MEIG1: variants seen among roughly 807,000 people sequenced by gnomAD.
The protein encoded by MEIG1 is meiosis expressed gene 1 protein homolog.
A neutral mutation model predicts 11.3 loss-of-function variants in MEIG1; 12 were observed. The observed-to-expected ratio is 1.07, with a 90% CI of 0.68 to 1.73. MEIG1 has a LOEUF of 1.73. MEIG1 is among the 40% of genes most tolerant of loss of function. MEIG1 has a pLI of 0.00. For synonymous variants in MEIG1, 41 were observed against 33.2 expected (o/e 1.24, Z -0.81); for missense variants, 119 against 104.9 (o/e 1.13, Z -0.59).
chr10:14,973,724 C>A (rs970638147), downstream of MEIG1, among the ~76,000 whole-genome samples: 10 of 146,876 alleles, frequency 6.8e-5, no homozygotes, highest in Admixed American at 4.1e-4. Flanking sequence ...GAGCCAAGAT[C>A]CCGCCACTGC....
At chr10:14,971,608 G>T (rs1443766809) in intron 2 of MEIG1, among the ~76,000 whole-genome samples, 1 of 152,118 alleles carries the variant, frequency 6.6e-6, no homozygotes, top group African/African-American at 2.4e-5. Flanking sequence ...ATACACTTTT[G>T]GATAGTTCTT....
intron 2 of MEIG1, 72 bp from the exon 3 acceptor site, chr10:14,972,441 A>T: frequency 1.3e-6 from 2 of 1,593,238 alleles, no homozygotes; most frequent in Non-Finnish European, 8.6e-7. Flanking sequence ...CTTTTTAACT[A>T]TTTGATAGTA....
Position 14,966,594 on chromosome 10 carries a change from A to T in MEIG1, c.126A>T (p.Lys42Asn). The stretch of plus-strand genomic sequence containing the variant: ...ATGAAACCGAATATAGACAAGTGAA[A>T]CAAGTTTCTATGGTAAGATTTCTGT... ...YRDETEYRQV[K>N]QVSMVDRWPE... Residue 42 changes from lysine to asparagine, a missense_variant, in exon 2 of 3, where the codon AAA (lysine) becomes AAT (asparagine). By Grantham distance (94) the Lys-to-Asn change is moderately conservative (BLOSUM62 0). Coordinates refer to ENST00000407572, the MANE Select transcript of MEIG1 (RefSeq NM_001080836.3). The T allele has an allele frequency of 6.2e-7, 1 of 1,609,346 alleles. No individual in the cohort carries two copies. The highest frequency in any genetic ancestry group is 8.5e-7 in the Non-Finnish European group (1 of 1,178,624).
intron 1 of MEIG1, among the ~76,000 whole-genome samples, chr10:14,961,994 A>G (rs1473195505): frequency 1.3e-5 from 2 of 151,944 alleles, no homozygotes; most frequent in Admixed American, 6.6e-5. Flanking sequence ...TTGTAGAGAT[A>G]GGGTCTCACT....
At chr10:14,987,505 T>C in intron 2 of MEIG1, 1 of 703,634 alleles carries the variant, frequency 1.4e-6, no homozygotes, top group African/African-American at 1.8e-5. Flanking sequence ...AACCAGCCCT[T>C]AATGTTGGAT....
At chr10:14,979,216 T>G (rs1420196238) in intron 1 of MEIG1, among the ~76,000 whole-genome samples, 1 of 151,948 alleles carries the variant, frequency 6.6e-6, no homozygotes, top group Non-Finnish European at 1.5e-5. Flanking sequence ...TTACCCGTGA[T>G]GTTCTAGAAA....
chr10:14,987,351 G>A, intron 2 of MEIG1: 5 of 798,616 alleles, frequency 6.3e-6, no homozygotes, highest in Non-Finnish European at 9.0e-6. Flanking sequence ...GACAGGGACA[G>A]GGACAGCAAA....
At chr10:14,982,008 C>T (rs544544029) in intron 1 of MEIG1, among the ~76,000 whole-genome samples, 1 of 152,202 alleles carries the variant, frequency 6.6e-6, no homozygotes, top group Non-Finnish European at 1.5e-5. Context: ...GATGTATTCA[C>T]CCCTGCAAGC....
At chr10:14,977,391 G>A (rs558841697), downstream of MEIG1, among the ~76,000 whole-genome samples, 71 of 142,920 alleles carry the variant, frequency 5.0e-4, no homozygotes, top group African/African-American at 1.7e-3. Flanking sequence ...TGCCAAATGC[G>A]TGTACACGTG....
At position 14,981,769 on chromosome 10, in the gene MEIG1, A is replaced by G. The variant is rs193256176; in HGVS notation, n.67-5027A>G. ...AGGGCATTTGTTCTTCCAATGTCCT[A>G]TTTCTTTCCAATAAGCACACTGGTT... On this transcript the variant is annotated intron_variant and non_coding_transcript_variant, in intron 1 of 2. Coordinates refer to the MEIG1 transcript ENST00000467536. 2.5e-4 allele frequency among the ~76,000 whole-genome samples: 38 copies of G among 152,188 alleles called. 1 individual carries two copies. The East Asian group carries it at 5.4e-3, about 22-fold the overall frequency.
At chr10:14,963,950 T>G (rs867491450) in intron 1 of MEIG1, among the ~76,000 whole-genome samples, 2 of 151,948 alleles carry the variant, frequency 1.3e-5, no homozygotes, top group Non-Finnish European at 2.9e-5. Flanking sequence ...TACAAAAAAT[T>G]AGCTGGGCAT....
chr10:14,959,164 T>C (rs1324355093), upstream of MEIG1, among the ~76,000 whole-genome samples: 1 of 152,152 alleles, frequency 6.6e-6, no homozygotes, highest in East Asian at 1.9e-4. Context: ...GGGAATTTTG[T>C]CTGGGATTCA....
downstream of MEIG1, among the ~76,000 whole-genome samples, chr10:14,974,249 T>C (rs1280869665): frequency 6.6e-6 from 1 of 152,194 alleles, no homozygotes; most frequent in Non-Finnish European, 1.5e-5. Flanking sequence ...TGCATATTCC[T>C]CTAGCCACTT....
chr10:14,986,417 C>T (rs1053336648), intron 1 of MEIG1, among the ~76,000 whole-genome samples: 3 of 152,140 alleles, frequency 2.0e-5, no homozygotes, highest in Non-Finnish European at 4.4e-5. Context: ...AGTTTCTTAC[C>T]AAACCATCTG....
At chr10:14,963,737 C>T (rs1034971316) in intron 1 of MEIG1, among the ~76,000 whole-genome samples, 1 of 152,122 alleles carries the variant, frequency 6.6e-6, no homozygotes, top group East Asian at 1.9e-4. Flanking sequence ...GGCCGAGGTA[C>T]ACGATCACTT....
At chr10:14,968,679 T>C (rs1427013553) in intron 2 of MEIG1, among the ~76,000 whole-genome samples, 1 of 152,204 alleles carries the variant, frequency 6.6e-6, no homozygotes. Flanking sequence ...ATCTGTCTTC[T>C]CAACCATTAT....
At chr10:14,969,761 G>A (rs546785067) in intron 2 of MEIG1, among the ~76,000 whole-genome samples, 7 of 151,992 alleles carry the variant, frequency 4.6e-5, no homozygotes, top group East Asian at 3.9e-4. Context: ...ACTTGAACCC[G>A]GGAGGGGGAG....
chr10:14,967,863 T>G (rs925470918), intron 2 of MEIG1, among the ~76,000 whole-genome samples: 3 of 152,186 alleles, frequency 2.0e-5, no homozygotes, highest in African/African-American at 7.2e-5. Flanking sequence ...ATTTATAGTC[T>G]GTGTGGTTTG....
At chr10:14,978,707 G>T (rs113781339) in intron 1 of MEIG1, among the ~76,000 whole-genome samples, 1,603 of 151,976 alleles carry the variant, frequency 0.011, 24 homozygotes, top group African/African-American at 0.037. Context: ...TATATTAGCC[G>T]TGATATCCTA....
Sources: allele counts gnomAD v4.1 joint callset (sites outside exome capture counted in the v4.1 genomes callset), GRCh38; gene constraint gnomAD v4.1.1; transcripts MANE v1.5; gene names NCBI Gene and HGNC (gene_info 2026-07-23, HGNC 2026-07-21).